The following INPP5K variants were observed in gnomAD, a reference collection of about 807,000 sequenced individuals.
INPP5K encodes the protein inositol polyphosphate-5-phosphatase K.
In INPP5K, 35 loss-of-function variants were observed where a neutral mutation model predicts 53.5. That is an observed-to-expected ratio of 0.65 (90% confidence interval 0.50 to 0.87). The LOEUF (loss-of-function observed/expected upper bound fraction) is 0.87, where lower values mean the gene tolerates loss of function less well. Ranked by LOEUF, INPP5K falls within the 40% of genes least tolerant of loss-of-function variation. The probability of loss-of-function intolerance (pLI) is 0.00; values close to 1 mark genes in which losing one functional copy is unlikely to be tolerated. For synonymous variants in INPP5K, 253 were observed against 232.8 expected (o/e 1.09, Z -0.79); for missense variants, 550 against 586.2 (o/e 0.94, Z 0.64).
intron 5 of INPP5K, 87 bp downstream of exon 5, chr17:1,509,091 G>C: frequency 8.5e-7 from 1 of 1,181,358 alleles, no homozygotes; most frequent in Non-Finnish European, 1.2e-6. Flanking sequence ...GCGGGGAGCG[G>C]TCTGCAGACC....
chr17:1,507,525 C>G, intron 6 of INPP5K: 1 of 173,328 alleles, frequency 5.8e-6, no homozygotes, highest in Non-Finnish European at 1.2e-5. Flanking sequence ...CAAAGCCCTT[C>G]TGGTTCCCTA....
At chr17:1,504,760 G>A (rs2075114302) in intron 7 of INPP5K, among the ~76,000 whole-genome samples, 1 of 152,242 alleles carries the variant, frequency 6.6e-6, no homozygotes, top group Admixed American at 6.5e-5. Context: ...CAATCACAAT[G>A]AGCTGTTATT....
At chr17:1,514,089 G>A (rs1050646895) in intron 1 of INPP5K, 110 bp from the exon 2 acceptor site, 13 of 569,774 alleles carry the variant, frequency 2.3e-5, no homozygotes, top group Admixed American at 6.8e-5. Context: ...TTGGGCGGCC[G>A]AGGTGGGCGG....
intron 7 of INPP5K, among the ~76,000 whole-genome samples, chr17:1,501,193 T>C (rs773129693): frequency 2.0e-5 from 3 of 151,440 alleles, no homozygotes; most frequent in African/African-American, 4.9e-5. Flanking sequence ...CTCCTGACCT[T>C]GTGATCCGCC....
Position 1,514,867 on chromosome 17 carries a change from C to A in INPP5K, c.45-888G>T, listed in dbSNP as rs1028100110. Reference sequence around the variant, plus strand: ...CTTCCTCTCTCCTCCCTAGCAGATCCCTGGAGCAAGCCAATTTTGCCAAGC... The same window carrying A: ...CTTCCTCTCTCCTCCCTAGCAGATCACTGGAGCAAGCCAATTTTGCCAAGC... On this transcript the variant is annotated intron_variant, in intron 1 of 11. Transcript: ENST00000421807. Among the ~76,000 whole-genome samples the A allele has an allele frequency of 3.9e-5, 6 of 151,946 alleles. No homozygotes were observed. The East Asian group carries it at 7.7e-4, about 20-fold the overall frequency.
intron 7 of INPP5K, among the ~76,000 whole-genome samples, chr17:1,505,522 C>A (rs2075133151): frequency 6.6e-6 from 1 of 152,142 alleles, no homozygotes; most frequent in Non-Finnish European, 1.5e-5. Flanking sequence ...CCTGCCTGCT[C>A]TGTTGCCCAG....
rs1431786064 is a variant in INPP5K, at chr17:1,495,439, G to A, written c.*384C>T. On this transcript the variant is annotated 3_prime_UTR_variant, in exon 12 of 12. Coordinates refer to ENST00000421807, the MANE Select transcript of INPP5K (RefSeq NM_016532.4). ...ATGTGAGCATCTCCCCTCCCAGACAGCCTGAGGCCCAGGACGGCACGACAA... is the reference window on the plus strand; with the variant it reads ...ATGTGAGCATCTCCCCTCCCAGACAACCTGAGGCCCAGGACGGCACGACAA... 2.2e-5 allele frequency: 5 copies of A among 223,170 alleles called. No homozygotes were observed. Among genetic ancestry groups the A allele is most frequent in the Non-Finnish European group, 4.5e-5 (5 of 112,278 alleles). The allele number at this position is 223,170 out of a possible 1,614,324, so 13.8% of individuals were successfully genotyped here.
At chr17:1,511,239 T>G (rs897184110) in intron 3 of INPP5K, among the ~76,000 whole-genome samples, 1 of 152,200 alleles carries the variant, frequency 6.6e-6, no homozygotes, top group Non-Finnish European at 1.5e-5. Context: ...GTTTTGTAGT[T>G]GAGGAACTAA....
chr17:1,501,149 T>A (rs531676166), intron 7 of INPP5K, among the ~76,000 whole-genome samples: 2 of 151,702 alleles, frequency 1.3e-5, no homozygotes, highest in Non-Finnish European at 2.9e-5. Flanking sequence ...TAGTAGAGAC[T>A]GGGTTTCACC....
intron 1 of INPP5K, among the ~76,000 whole-genome samples, chr17:1,514,634 T>TATTA (rs1218892396): frequency 6.6e-6 from 1 of 151,816 alleles, no homozygotes; most frequent in Non-Finnish European, 1.5e-5. Context: ...GCCAGGAATG[T>TATTA]ATTAATTCCA....
intron 7 of INPP5K, among the ~76,000 whole-genome samples, chr17:1,504,139 G>C (rs1180131533): frequency 6.6e-6 from 1 of 152,164 alleles, no homozygotes; most frequent in Non-Finnish European, 1.5e-5. Flanking sequence ...CCCAGGCTTG[G>C]TAACATATGC....
At chr17:1,496,002 G>C in intron 11 of INPP5K, 58 bp downstream of exon 11, 1 of 1,439,112 alleles carries the variant, frequency 6.9e-7, no homozygotes, top group Non-Finnish European at 9.8e-7. Flanking sequence ...TGGGCCTCAG[G>C]GAGCCAGTGA....
In INPP5K at chr17:1,497,998, T is replaced by C. The variant is rs762321001; in HGVS notation, c.901A>G (p.Ser301Gly). The C allele has an allele frequency of 1.4e-5, 23 of 1,614,030 alleles. No homozygotes were observed. The African/African-American group carries it at 2.7e-4, about 19-fold the overall frequency. The change falls in exon 8 of 12, where the codon AGC becomes GGC. Residue 301 changes from serine to glycine, a missense_variant. By Grantham distance (56) the Ser-to-Gly change is moderately conservative (BLOSUM62 0). Coordinates refer to ENST00000421807, the MANE Select transcript of INPP5K (RefSeq NM_016532.4). ...CTGATGCCGTACGTCATGTGGCTGC[T>C]GTAGCCCCTCAGAGACAAGGAGAAG... ...SHFSLSLRGYSSHMTYGISDH... is the reference protein window; with the variant it reads ...SHFSLSLRGYGSHMTYGISDH...
chr17:1,507,156 T>C, intron 6 of INPP5K, 67 bp from the exon 7 acceptor site: 2 of 1,193,718 alleles, frequency 1.7e-6, no homozygotes, highest in Non-Finnish European at 2.5e-6. Context: ...CCACACTCCA[T>C]TCAAGGGATC....
intron 10 of INPP5K, 74 bp downstream of exon 10, chr17:1,496,244 CT>C: frequency 6.6e-7 from 1 of 1,503,846 alleles, no homozygotes; most frequent in Non-Finnish European, 9.1e-7. Context: ...TTATTCAGCA[CT>C]CTGTTCCTTC....
In INPP5K at chr17:1,516,311, C is replaced by T. The variant is rs537020392; in HGVS notation, c.44+145G>A. The T allele has an allele frequency of 3.9e-6, 4 of 1,024,114 alleles. No individual in the cohort carries two copies. The South Asian group carries it at 4.8e-5, about 12-fold the overall frequency. The allele number at this position is 1,024,114 out of a possible 1,614,324, so 63.4% of individuals were successfully genotyped here. ...CGAGGCTCGGGCCCAACACAGCCCA[C>T]CTGACACAGGCGTGGGAGAAGGCGA... On this transcript the variant is annotated intron_variant, in intron 1 of 11. Coordinates refer to ENST00000421807, the MANE Select transcript of INPP5K (RefSeq NM_016532.4).
At chr17:1,505,792 CA>C (rs915462827) in intron 7 of INPP5K, among the ~76,000 whole-genome samples, 51 of 152,300 alleles carry the variant, frequency 3.3e-4, no homozygotes, top group African/African-American at 1.1e-3. Flanking sequence ...GCCTCCCTCA[CA>C]GAGACACTCC....
chr17:1,498,069 C>T lies in INPP5K; in HGVS notation c.830G>A (p.Arg277Gln), dbSNP rs369571022. Reference protein sequence around the residue: ...WTDRILWRLKRQPCAGPDTPI... With the variant: ...WTDRILWRLKQQPCAGPDTPI... ...AGTGTCGGGGCCAGCACAGGGCTGCCGCTTCAGCCTCCACAGGATGCGATC... is the reference window on the plus strand; with the variant it reads ...AGTGTCGGGGCCAGCACAGGGCTGCTGCTTCAGCCTCCACAGGATGCGATC... The change falls in exon 8 of 12, where the codon CGG (arginine) becomes CAG (glutamine). Residue 277 changes from arginine (R) to glutamine (Q), a missense_variant. Physicochemically the swap from Arg to Gln is conservative, Grantham distance 43 (BLOSUM62 1). Coordinates refer to ENST00000421807, the MANE Select transcript of INPP5K (RefSeq NM_016532.4). The T allele has an allele frequency of 6.3e-5, 101 of 1,613,814 alleles. No individual in the cohort carries two copies. The highest frequency in any genetic ancestry group is 8.1e-5 in the Non-Finnish European group (95 of 1,179,908).
chr17:1,510,612 C>T (rs1383011204), intron 3 of INPP5K: 1 of 152,198 alleles, frequency 6.6e-6, no homozygotes, highest in African/African-American at 2.4e-5. Flanking sequence ...GTTCTTTATC[C>T]ACCAGCTGCC....
Sources: allele counts gnomAD v4.1 joint callset (sites outside exome capture counted in the v4.1 genomes callset), GRCh38; gene constraint gnomAD v4.1.1; transcripts MANE v1.5; gene names NCBI Gene and HGNC (gene_info 2026-07-23, HGNC 2026-07-21).